CSMD3: variants seen among roughly 807,000 people sequenced by gnomAD.
CSMD3 encodes the protein CUB and sushi domain-containing protein 3.
A neutral mutation model predicts 435.2 loss-of-function variants in CSMD3; 177 were observed. That is an observed-to-expected ratio of 0.41 (90% CI 0.36 to 0.46). CSMD3 has a LOEUF of 0.46. CSMD3 is among the 20% of genes least tolerant of loss of function. The pLI is 0.34. For missense variants in CSMD3, 4,265 were observed against 4,504.6 expected, an observed-to-expected ratio of 0.95 and a Z score of 1.52; for synonymous variants, 1,656 against 1,520.5, an observed-to-expected ratio of 1.09 and a Z score of -2.07.
At chr8:113,033,714 T>A (rs1004103027) in intron 5 of CSMD3, among the ~76,000 whole-genome samples, 14 of 151,344 alleles carry the variant, frequency 9.3e-5, no homozygotes, top group African/African-American at 3.4e-4. Context: ...TTTGGGGAAC[T>A]GTTAGGAAGG....
intron 13 of CSMD3, among the ~76,000 whole-genome samples, chr8:112,788,850 G>T (rs534525095): frequency 6.6e-6 from 1 of 152,130 alleles, no homozygotes; most frequent in Non-Finnish European, 1.5e-5. Context: ...AAAGAACTTG[G>T]TATATTGAAT....
At chr8:112,822,093 A>G (rs2079546361) in intron 12 of CSMD3, among the ~76,000 whole-genome samples, 1 of 152,120 alleles carries the variant, frequency 6.6e-6, no homozygotes, top group African/African-American at 2.4e-5. Context: ...TGATGCCTCC[A>G]GTTTTGTTCT....
intron 38 of CSMD3, among the ~76,000 whole-genome samples, chr8:112,362,585 C>G (rs1374177351): frequency 6.6e-6 from 1 of 151,936 alleles, no homozygotes; most frequent in Non-Finnish European, 1.5e-5. Flanking sequence ...ATTGCGTGCT[C>G]TGTATCATGT....
intron 1 of CSMD3, among the ~76,000 whole-genome samples, chr8:113,334,497 G>A (rs1326507994): frequency 6.6e-6 from 1 of 151,298 alleles, no homozygotes; most frequent in African/African-American, 2.4e-5. Context: ...TTTTGCTTAG[G>A]GATTTATACT....
intron 38 of CSMD3, among the ~76,000 whole-genome samples, chr8:112,366,310 A>C (rs1827776311): frequency 6.6e-6 from 1 of 152,192 alleles, no homozygotes; most frequent in Non-Finnish European, 1.5e-5. Flanking sequence ...AGTCCTTTCT[A>C]CTGCAACAAT....
chr8:112,781,666 C>T (rs2078390168), intron 13 of CSMD3, among the ~76,000 whole-genome samples: 1 of 152,090 alleles, frequency 6.6e-6, no homozygotes, highest in Non-Finnish European at 1.5e-5. Context: ...AACATAGCCC[C>T]AGTGGTGCTG....
chr8:113,316,999 A>C (rs1261185566), intron 1 of CSMD3, among the ~76,000 whole-genome samples: 6 of 152,152 alleles, frequency 3.9e-5, no homozygotes. Context: ...CAAAGTCTTA[A>C]GCCTGGGATA....
At chr8:112,813,996 A>T (rs1347281632) in intron 12 of CSMD3, among the ~76,000 whole-genome samples, 1 of 152,180 alleles carries the variant, frequency 6.6e-6, no homozygotes, top group Non-Finnish European at 1.5e-5. Flanking sequence ...TGCTTTGGGG[A>T]ACTTCCCCCT....
intron 35 of CSMD3, among the ~76,000 whole-genome samples, chr8:112,399,733 A>T (rs1831160143): frequency 6.6e-6 from 1 of 152,192 alleles, no homozygotes; most frequent in Non-Finnish European, 1.5e-5. Flanking sequence ...TTTGTTATAA[A>T]GTGGCATAAT....
chr8:113,252,974 A>T (rs1324040821), intron 3 of CSMD3, among the ~76,000 whole-genome samples: 1 of 152,292 alleles, frequency 6.6e-6, no homozygotes, highest in East Asian at 1.9e-4. Context: ...GCTTAAGGAG[A>T]TAAGACTAGG....
Position 112,287,228 on chromosome 8 carries a change from C to A in CSMD3, c.9167G>T (p.Cys3056Phe), listed in dbSNP as rs761391282. The change falls in exon 58 of 71, where the codon TGT becomes TTT. Residue 3056 changes from cysteine (C) to phenylalanine (F), a missense_variant. This residue lies in a region of CSMD3 where 3,255 missense variants were observed against 3,380.2 expected (regional missense o/e 0.96). Coordinates refer to ENST00000297405, the MANE Select transcript of CSMD3 (RefSeq NM_198123.2). ...ATGGCCGGGAGTACCTGGATCGCCA[C>A]ATGTCCCAGTAGCATCACCTGCAAT... ...PHCSGDATGTCGDPGTPGHGS... is the reference protein window; with the variant it reads ...PHCSGDATGTFGDPGTPGHGS... The A allele has an allele frequency of 6.2e-7, 1 of 1,613,600 alleles. No homozygotes were observed.
At chr8:112,298,888 G>T (rs758988785) in intron 53 of CSMD3, among the ~76,000 whole-genome samples, 1 of 152,082 alleles carries the variant, frequency 6.6e-6, no homozygotes, top group Admixed American at 6.6e-5. Flanking sequence ...AAATGAATGC[G>T]TATGTCCACA....
chr8:112,587,022 T>C (rs1830786597), intron 23 of CSMD3, 44 bp downstream of exon 23: 4 of 1,368,256 alleles, frequency 2.9e-6, no homozygotes, highest in East Asian at 4.6e-5. Context: ...GTATATTTAA[T>C]GACTAAAAAT....
At chr8:113,379,867 C>T (rs1198071751) in intron 1 of CSMD3, among the ~76,000 whole-genome samples, 1 of 152,156 alleles carries the variant, frequency 6.6e-6, no homozygotes, top group Non-Finnish European at 1.5e-5. Flanking sequence ...TGTTTTTGCA[C>T]TAGAGTACAC....
chr8:113,397,624 G>A (rs1418331113), intron 1 of CSMD3, among the ~76,000 whole-genome samples: 1 of 151,816 alleles, frequency 6.6e-6, no homozygotes, highest in Non-Finnish European at 1.5e-5. Context: ...AGACCATCCT[G>A]GCTAACACGG....
Position 112,709,626 on chromosome 8 carries a change from G to A in CSMD3, c.1973-19576C>T, listed in dbSNP as rs192280582. Among the ~76,000 whole-genome samples, 1,339 of 152,052 alleles carry A rather than the reference G, an allele frequency of 8.8e-3. 18 individuals carry two copies. Among genetic ancestry groups the A allele is most frequent in the African/African-American group, 0.031 (1,267 of 41,504 alleles). On this transcript the variant is annotated intron_variant, in intron 13 of 70. Coordinates refer to ENST00000297405, the MANE Select transcript of CSMD3 (RefSeq NM_198123.2). The stretch of plus-strand genomic sequence containing the variant: ...TAGTCCTTTCTGAAGCTTATTTAAA[G>A]GTCATTTAGTTTAACTTTCCTCTCA...
intron 4 of CSMD3, among the ~76,000 whole-genome samples, chr8:113,102,730 T>C (rs918460559): frequency 1.3e-5 from 2 of 152,030 alleles, no homozygotes; most frequent in African/African-American, 4.8e-5. Context: ...ACCAAGGTAA[T>C]GGGCCTGTGT....
In CSMD3 at chr8:113,156,031, A is replaced by AT. The variant is rs997803717; in HGVS notation, c.709+17690dup. Among the ~76,000 whole-genome samples, 10 of 151,320 alleles carry AT rather than the reference A, an allele frequency of 6.6e-5. No homozygotes were observed. The East Asian group carries it at 1.4e-3, about 21-fold the overall frequency. ...TTGTGGGTGGTCACTCATTTGCTCA[A>AT]TTTTTTTTTCTTTTGTTTTCCATCA... On this transcript the variant is annotated intron_variant, in intron 4 of 70. Coordinates refer to ENST00000297405, the MANE Select transcript of CSMD3 (RefSeq NM_198123.2).
intron 6 of CSMD3, among the ~76,000 whole-genome samples, chr8:113,016,978 A>G (rs959998861): frequency 5.9e-5 from 9 of 151,964 alleles, no homozygotes; most frequent in African/African-American, 2.2e-4. Flanking sequence ...AGCAAGCCTA[A>G]ATTAGGAAAG....
Sources: allele counts gnomAD v4.1 joint callset (sites outside exome capture counted in the v4.1 genomes callset), GRCh38; gene constraint gnomAD v4.1.1; regional missense constraint gnomAD v4.1.1; transcripts MANE v1.5; gene names NCBI Gene and HGNC (gene_info 2026-07-23, HGNC 2026-07-21).